The following CTNNA2 variants were observed in gnomAD, a reference collection of about 807,000 sequenced individuals.
The protein encoded by CTNNA2 is catenin alpha 2.
Under a neutral mutation model 101.0 loss-of-function variants are expected in CTNNA2, and 42 were observed. That is an observed-to-expected ratio of 0.42 (90% CI 0.32 to 0.54). The LOEUF (loss-of-function observed/expected upper bound fraction) is 0.54. CTNNA2 is among the 20% of genes least tolerant of loss of function. The pLI, the probability that CTNNA2 is intolerant of heterozygous loss-of-function variation, is 0.14. For missense variants in CTNNA2, 871 were observed against 1,223.1 expected (o/e 0.71, Z 4.29); for synonymous variants, 450 against 456.4 (o/e 0.99, Z 0.18).
chr2:80,230,955 G>A (rs1709172899), intron 7 of CTNNA2, among the ~76,000 whole-genome samples: 1 of 139,030 alleles, frequency 7.2e-6, no homozygotes, highest in South Asian at 2.1e-4. Context: ...TTGTGTTCCT[G>A]GTGTTTGTTT....
chr2:79,552,626 C>G (rs1674185069), intron 1 of CTNNA2, among the ~76,000 whole-genome samples: 1 of 152,292 alleles, frequency 6.6e-6, no homozygotes, highest in African/African-American at 2.4e-5. Flanking sequence ...CATTCATCCT[C>G]TGAAATCTAG....
At chr2:79,216,889 G>A (rs28822731) in intron 2 of CTNNA2, among the ~76,000 whole-genome samples, 65,594 of 151,934 alleles carry the variant, frequency 0.43, 15,426 homozygotes, top group Non-Finnish European at 0.52. Context: ...GCATCCCCAC[G>A]TGGTCAGACA....
chr2:79,927,718 TTAC>T (rs1410210626), intron 7 of CTNNA2, among the ~76,000 whole-genome samples: 5 of 152,204 alleles, frequency 3.3e-5, no homozygotes, highest in African/African-American at 1.2e-4. Flanking sequence ...TCATATAATG[TTAC>T]TCTGTAAATA....
At chr2:80,523,344 A>AT in intron 9 of CTNNA2, among the ~76,000 whole-genome samples, 1 of 152,274 alleles carries the variant, frequency 6.6e-6, no homozygotes, top group Non-Finnish European at 1.5e-5. Context: ...TTTTCATAGA[A>AT]TAAAAAAAGA....
At position 79,704,339 on chromosome 2, in the gene CTNNA2, T is replaced by C. The variant is rs377177384; in HGVS notation, c.103-40048T>C. Among the ~76,000 whole-genome samples, 13 of 152,260 alleles carry C rather than the reference T, an allele frequency of 8.5e-5. No homozygotes were observed. The East Asian group carries it at 2.5e-3, about 29-fold the overall frequency. On this transcript the variant is annotated intron_variant, in intron 2 of 18. Transcript: ENST00000402739. ...ATAGCAGAGGATTCCCTTCTGTGGG[T>C]GAAAGAAAATATATTTTGACTTTAC...
intron 7 of CTNNA2, among the ~76,000 whole-genome samples, chr2:80,257,003 C>T (rs1448429809): frequency 4.6e-5 from 7 of 152,108 alleles, no homozygotes; most frequent in South Asian, 2.1e-4. Context: ...TCACTTTAAC[C>T]GTATCTGTGA....
At chr2:80,578,550 C>T (rs17019389) in intron 13 of CTNNA2, among the ~76,000 whole-genome samples, 45,881 of 152,126 alleles carry the variant, frequency 0.3, 7,893 homozygotes, top group East Asian at 0.48. Context: ...AGGAGACACA[C>T]TCACATGCAA....
At chr2:80,398,738 G>A (rs982504060) in intron 8 of CTNNA2, among the ~76,000 whole-genome samples, 7 of 150,248 alleles carry the variant, frequency 4.7e-5, no homozygotes, top group Admixed American at 3.3e-4. Context: ...ATGGTGGCAC[G>A]TGCCTGTAAT....
At chr2:80,623,755 C>G (rs1671386750) in intron 18 of CTNNA2, among the ~76,000 whole-genome samples, 1 of 151,858 alleles carries the variant, frequency 6.6e-6, no homozygotes, top group Non-Finnish European at 1.5e-5. Flanking sequence ...ATCCCACTCC[C>G]CAGCACACAA....
At chr2:79,950,623 A>G (rs1688815092) in intron 7 of CTNNA2, among the ~76,000 whole-genome samples, 1 of 152,166 alleles carries the variant, frequency 6.6e-6, no homozygotes, top group Non-Finnish European at 1.5e-5. Flanking sequence ...TTCAGCAACC[A>G]GTGTTTTATA....
chr2:79,792,889 T>C (rs1675395617), intron 3 of CTNNA2, among the ~76,000 whole-genome samples: 1 of 152,220 alleles, frequency 6.6e-6, no homozygotes, highest in Non-Finnish European at 1.5e-5. Context: ...ATAATACCTA[T>C]ACTAAACAAT....
At chr2:79,787,448 G>A (rs1674934819) in intron 3 of CTNNA2, among the ~76,000 whole-genome samples, 1 of 152,046 alleles carries the variant, frequency 6.6e-6, no homozygotes, top group African/African-American at 2.4e-5. Context: ...CATAAAAGAT[G>A]AAGTAAGCAA....
intron 7 of CTNNA2, among the ~76,000 whole-genome samples, chr2:80,352,181 T>G (rs1673364708): frequency 6.6e-6 from 1 of 152,148 alleles, no homozygotes; most frequent in Admixed American, 6.6e-5. Flanking sequence ...CAAAGTCAGG[T>G]CATTTTAAAG....
intron 12 of CTNNA2, among the ~76,000 whole-genome samples, chr2:80,562,723 T>A (rs1372384029): frequency 6.6e-6 from 1 of 152,054 alleles, no homozygotes; most frequent in African/African-American, 2.4e-5. Context: ...TATGGTCTAA[T>A]CACACAGTGG....
intron 7 of CTNNA2, among the ~76,000 whole-genome samples, chr2:80,035,028 G>C (rs187409856): frequency 2.6e-4 from 39 of 152,290 alleles, no homozygotes; most frequent in African/African-American, 8.4e-4. Flanking sequence ...GAAAAATCCA[G>C]TGTCCATCAT....
chr2:80,239,619 A>G (rs1327438474), intron 7 of CTNNA2, among the ~76,000 whole-genome samples: 1 of 152,188 alleles, frequency 6.6e-6, no homozygotes, highest in Non-Finnish European at 1.5e-5. Context: ...ATAATAAAAT[A>G]GAATAGTTAT....
At chr2:79,340,851 A>AAAG (rs1553401529) in intron 3 of CTNNA2, among the ~76,000 whole-genome samples, 3 of 147,250 alleles carry the variant, frequency 2.0e-5, no homozygotes, top group African/African-American at 7.5e-5. Flanking sequence ...AAAAAAAAAA[A>AAAG]AAAGAAAAGA....
chr2:80,442,226 G>T (rs545891857), intron 9 of CTNNA2, among the ~76,000 whole-genome samples: 1 of 152,270 alleles, frequency 6.6e-6, no homozygotes. Flanking sequence ...AGGCAGTATG[G>T]TGATGTGGTC....
chr2:79,273,426 A>G (rs1051252361), intron 2 of CTNNA2, among the ~76,000 whole-genome samples: 5 of 152,064 alleles, frequency 3.3e-5, no homozygotes, highest in African/African-American at 1.2e-4. Flanking sequence ...TATTATTTTC[A>G]CCTCGCTCTA....
Sources: gnomAD v4.1 joint callset for allele counts (sites outside exome capture counted in the v4.1 genomes callset) on GRCh38, gnomAD v4.1.1 for gene constraint, MANE v1.5 for transcripts, NCBI Gene and HGNC (gene_info 2026-07-23, HGNC 2026-07-21) for gene names.